UGT1A4: variants seen among roughly 807,000 people sequenced by gnomAD.
UGT1A4 encodes UDP-glucuronosyltransferase 1A4.
UGT1A4 carries 32 observed loss-of-function variants against 41.1 expected under a neutral mutation model. The observed-to-expected ratio is 0.78, with a 90% confidence interval of 0.59 to 1.05. The LOEUF (loss-of-function observed/expected upper bound fraction) is 1.05, where lower values mean the gene tolerates loss of function less well. Among genes scored for constraint, UGT1A4 ranks in the 50% least tolerant of loss-of-function variants. The pLI, the probability that UGT1A4 is intolerant of heterozygous loss-of-function variation, is 0.00. For synonymous variants in UGT1A4, 283 were observed against 265.1 expected (o/e 1.07, Z -0.66); for missense variants, 748 against 677.4 (o/e 1.10, Z -1.16).
At chr2:233,743,699 G>C (rs780880081) in intron 1 of UGT1A4, 1 of 1,367,268 alleles carries the variant, frequency 7.3e-7, no homozygotes, top group Non-Finnish European at 9.8e-7. Flanking sequence ...GCCGCCCTCC[G>C]CCCCCGCCTC....
At chr2:233,719,955 G>A (rs914065471) in intron 1 of UGT1A4, among the ~76,000 whole-genome samples, 4 of 152,160 alleles carry the variant, frequency 2.6e-5, no homozygotes, top group Admixed American at 2.6e-4. Flanking sequence ...CCATCTTCAT[G>A]GTTGTGCATG....
rs186714678 is a variant in UGT1A4 at position 233,744,068 on chromosome 2, C to T, written c.868-22966C>T. On this transcript the variant is annotated intron_variant, in intron 1 of 4. Coordinates refer to ENST00000373409, the MANE Select transcript of UGT1A4 (RefSeq NM_007120.3). ...CATCTCATTGGTCGAGGCCTATGAG[C>T]GCCTCGCATCCCAAGATGCAGTGCT... is the stretch of plus-strand genomic sequence containing the variant. 2.4e-4 allele frequency: 123 copies of T among 517,010 alleles called. 1 individual carries two copies. Among genetic ancestry groups the T allele is most frequent in the African/African-American group, 1.6e-3 (78 of 49,160 alleles). 32.0% of individuals were successfully genotyped at this position (517,010 alleles called of 1,614,324 possible).
At chr2:233,755,474 T>TCTGTGAGGCC (rs1294746621) in intron 1 of UGT1A4, 2 of 236,996 alleles carry the variant, frequency 8.4e-6, no homozygotes, top group African/African-American at 4.6e-5. Context: ...TCTGTGAGGC[T>TCTGTGAGGCC]CTGTGAGGCC....
chr2:233,754,024 C>T (rs763970261), intron 1 of UGT1A4, among the ~76,000 whole-genome samples: 4 of 152,198 alleles, frequency 2.6e-5, no homozygotes, highest in Non-Finnish European at 5.9e-5. Flanking sequence ...TGATAGGAAA[C>T]GAATGCATCC....
In UGT1A4 at chr2:233,719,228, C is replaced by G. The variant is rs756302430; in HGVS notation, c.408C>G (p.Ala136=). Reference sequence around the variant, plus strand: ...GTGTGGAGCTACTGCATAATGAGGCCCTGATCAGGCACCTGAATGCTACTT... The same window carrying G: ...GTGTGGAGCTACTGCATAATGAGGCGCTGATCAGGCACCTGAATGCTACTT... ...RCCVELLHNE[A]LIRHLNATSF... is the part of the protein sequence containing the mutation. Residue 136 remains alanine, a synonymous_variant, in exon 1 of 5, where the codon GCC becomes GCG. Transcript: ENST00000373409. 3 of 1,614,146 alleles carry G rather than the reference C, an allele frequency of 1.9e-6. No individual in the cohort carries two copies. The Admixed American group carries it at 5.0e-5, about 27-fold the overall frequency.
intron 1 of UGT1A4, among the ~76,000 whole-genome samples, chr2:233,750,255 C>A (rs915928909): frequency 1.3e-5 from 2 of 151,886 alleles, no homozygotes; most frequent in Admixed American, 1.3e-4. Context: ...CAAAGGTCAC[C>A]CTTGCTATGC....
chr2:233,767,170 G>A lies in UGT1A4; in HGVS notation c.999+5G>A. 1.2e-6 allele frequency: 2 copies of A among 1,614,090 alleles called. No homozygotes were observed. Among genetic ancestry groups the A allele is most frequent in the South Asian group, 1.1e-5 (1 of 91,068 alleles). ...TTGGGCAAAATCCCTCAGACAGTAA[G>A]AAGATTCTATACCATGGCCTCATAT... is the stretch of plus-strand genomic sequence containing the variant. On this transcript the variant is annotated splice_donor_5th_base_variant and intron_variant, in intron 2 of 4. Transcript: ENST00000373409.
Position 233,748,064 on chromosome 2 carries a change from G to T in UGT1A4, c.868-18970G>T, listed in dbSNP as rs867030809. On this transcript the variant is annotated intron_variant, in intron 1 of 4. Transcript: ENST00000373409. ...TTGGGGGCATCAACTGTGCCAACAG[G>T]AAGCCACTATCTCAGGTCGGTGTTC... 3.5e-5 allele frequency: 57 copies of T among 1,612,772 alleles called. 2 individuals carry two copies. In the African/African-American group the frequency reaches 5.8e-4, roughly 16 times the overall value.
intron 1 of UGT1A4, chr2:233,742,090 C>T (rs539350164): frequency 2.6e-5 from 4 of 151,950 alleles, no homozygotes; most frequent in Admixed American, 1.3e-4. Flanking sequence ...TTTTACATTT[C>T]CAGGACCCAC....
At position 233,719,178 on chromosome 2, in the gene UGT1A4, G is replaced by A. The variant is rs749190317; in HGVS notation, c.358G>A (p.Val120Ile). The change falls in exon 1 of 5, where the codon GTA (valine) becomes ATA (isoleucine). Residue 120 changes from valine (V) to isoleucine (I), a missense_variant. Transcript: ENST00000373409. ...TAGAAGTATGGCAATTATGAACAAT[G>A]TATCTTTGGCCCTTCATAGGTGTTG... The part of the protein sequence containing the change: ...YSRSMAIMNN[V>I]SLALHRCCVE... The A allele has an allele frequency of 1.7e-5, 27 of 1,614,094 alleles. No homozygotes were observed. The highest frequency in any genetic ancestry group is 1.6e-4 in the Middle Eastern group (1 of 6,084).
chr2:233,745,155 C>G (rs1330223752), intron 1 of UGT1A4, among the ~76,000 whole-genome samples: 5 of 151,764 alleles, frequency 3.3e-5, no homozygotes, highest in Admixed American at 6.6e-5. Flanking sequence ...TATGGAGGGT[C>G]AAATGTGCAT....
chr2:233,772,858 A>G lies in UGT1A4; in HGVS notation c.*299A>G, dbSNP rs966644080. The G allele has an allele frequency of 2.8e-5, 20 of 719,678 alleles. No homozygotes were observed. The Admixed American group carries it at 5.6e-4, about 20-fold the overall frequency. 44.6% of individuals were successfully genotyped at this position (719,678 alleles called of 1,614,324 possible). ...TAGATTACTTTTCTTACTCTGAAAC[A>G]TGGCCTGTTTGGGAGTGCGGGATTC... On this transcript the variant is annotated 3_prime_UTR_variant, in exon 5 of 5. Coordinates refer to ENST00000373409, the MANE Select transcript of UGT1A4 (RefSeq NM_007120.3).
In UGT1A4 at chr2:233,772,505, A is replaced by T. The variant is rs772037816; in HGVS notation, c.1551A>T (p.Lys517Asn). 13 of 1,614,204 alleles carry T rather than the reference A, an allele frequency of 8.1e-6. No individual in the cohort carries two copies. Among genetic ancestry groups the T allele is most frequent in the South Asian group, 1.1e-5 (1 of 91,082 alleles). ...TFKCCAYGYR[K>N]CLGKKGRVKK... is the part of the protein sequence containing the mutation. ...AATGTTGTGCTTATGGCTACCGGAA[A>T]TGCTTGGGGAAAAAAGGGCGAGTTA... The change falls in exon 5 of 5, where the codon AAA (lysine) becomes AAT (asparagine). Residue 517 changes from lysine (K) to asparagine (N), a missense_variant. Transcript: ENST00000373409.
rs573018562 is a variant in UGT1A4 at position 233,765,032 on chromosome 2, G to A, written c.868-2002G>A. On this transcript the variant is annotated intron_variant, in intron 1 of 4. Transcript: ENST00000373409. Reference sequence around the variant, plus strand: ...AATCAGGCTTGGCAGGAGTCCTGCTGTGCAAATTGCGTTTGCTGAGCCCTG... The same window carrying A: ...AATCAGGCTTGGCAGGAGTCCTGCTATGCAAATTGCGTTTGCTGAGCCCTG... 2.6e-5 allele frequency among the ~76,000 whole-genome samples: 4 copies of A among 152,152 alleles called. No homozygotes were observed. In the East Asian group the frequency reaches 7.7e-4, roughly 29 times the overall value.
At chr2:233,721,315 T>C (rs1187847952) in intron 1 of UGT1A4, among the ~76,000 whole-genome samples, 1 of 152,192 alleles carries the variant, frequency 6.6e-6, no homozygotes, top group Non-Finnish European at 1.5e-5. Context: ...ATTGTGGCTC[T>C]TTTCTTGTGG....
intron 1 of UGT1A4, among the ~76,000 whole-genome samples, chr2:233,720,129 A>G (rs1275543977): frequency 1.3e-5 from 2 of 152,210 alleles, no homozygotes; most frequent in Admixed American, 6.5e-5. Context: ...AGGTGACCAC[A>G]GGAGACCTAG....
At chr2:233,729,140 T>C (rs764216877) in intron 1 of UGT1A4, 7 of 1,613,266 alleles carry the variant, frequency 4.3e-6, no homozygotes, top group East Asian at 2.2e-5. Context: ...GCCACAGGAC[T>C]CCAGGTTCCC....
rs374047963 is a variant in UGT1A4 at position 233,768,235 on chromosome 2, G to C, written c.1103G>C (p.Arg368Pro). 6.2e-7 allele frequency: 1 copy of C among 1,614,136 alleles called. No individual in the cohort carries two copies. The highest frequency in any genetic ancestry group is 1.3e-5 in the African/African-American group (1 of 75,020). Reference sequence around the variant, plus strand: ...TGCATCTCAGGTCACCCGATGACCCGTGCCTTTATCACCCATGCTGGTTCC... The same window carrying C: ...TGCATCTCAGGTCACCCGATGACCCCTGCCTTTATCACCCATGCTGGTTCC... ...QNDLLGHPMT[R>P]AFITHAGSHG... Residue 368 changes from arginine to proline, a missense_variant, in exon 4 of 5, where the codon CGT becomes CCT. Arg to Pro is a moderately radical substitution (Grantham distance 103). Transcript: ENST00000373409.
intron 1 of UGT1A4, among the ~76,000 whole-genome samples, chr2:233,764,915 C>A (rs892234743): frequency 6.6e-6 from 1 of 152,136 alleles, no homozygotes; most frequent in Non-Finnish European, 1.5e-5. Context: ...AGAGGACTCA[C>A]GAGGGCCTGG....
Sources: gnomAD v4.1 joint callset for allele counts (sites outside exome capture counted in the v4.1 genomes callset) on GRCh38, gnomAD v4.1.1 for gene constraint, MANE v1.5 for transcripts, NCBI Gene and HGNC (gene_info 2026-07-23, HGNC 2026-07-21) for gene names.